Variants in CORO2B observed in about 807,000 individuals in gnomAD.
CORO2B encodes the protein coronin-2B.
CORO2B carries 26 observed loss-of-function variants against 58.8 expected under a neutral mutation model. The ratio of observed to expected loss-of-function variants is 0.44; its 90% CI spans 0.32 to 0.61. The LOEUF is 0.61. Among genes scored for constraint, CORO2B ranks in the 20% least tolerant of loss-of-function variants. CORO2B has a pLI of 0.04. For missense variants in CORO2B, 460 were observed against 645.1 expected, an observed-to-expected ratio of 0.71 and a Z score of 3.11; for synonymous variants, 242 against 253.8, an observed-to-expected ratio of 0.95 and a Z score of 0.44.
At chr15:68,689,621 A>G (rs1892305527) in intron 2 of CORO2B, among the ~76,000 whole-genome samples, 1 of 152,240 alleles carries the variant, frequency 6.6e-6, no homozygotes, top group Non-Finnish European at 1.5e-5. Context: ...GTTAGGAGCC[A>G]GGCTTCAGTG....
the CORO2B span, among the ~76,000 whole-genome samples, chr15:68,533,881 A>T: frequency 6.6e-6 from 1 of 152,132 alleles, no homozygotes; most frequent in Non-Finnish European, 1.5e-5. Flanking sequence ...TTCCCATCAC[A>T]GCCCTCACAA....
chr15:68,725,318 G>C (rs1304233000), intron 11 of CORO2B, among the ~76,000 whole-genome samples: 1 of 152,076 alleles, frequency 6.6e-6, no homozygotes, highest in African/African-American at 2.4e-5. Flanking sequence ...GCAGTGAGCC[G>C]AAATCATGCC....
rs1892924843 is a variant in CORO2B at position 68,711,762 on chromosome 15, G to A, written c.648+56G>A. On this transcript the variant is annotated intron_variant, in intron 5 of 11. Transcript: ENST00000261861. ...GGAAGGTATTGAGGGCTGGGGCTCA[G>A]CTTTCAGCAGGCCTGGAAGAAAAAG... The A allele has an allele frequency of 1.9e-6, 3 of 1,597,938 alleles. No individual in the cohort carries two copies. In the Admixed American group the frequency reaches 5.3e-5, roughly 28 times the overall value.
At chr15:68,537,927 T>C in the CORO2B span, among the ~76,000 whole-genome samples, 820 of 152,310 alleles carry the variant, frequency 5.4e-3, 17 homozygotes, top group East Asian at 0.073. Context: ...TGGTTGGAGC[T>C]TAGTAAGTTC....
intron 2 of CORO2B, among the ~76,000 whole-genome samples, chr15:68,658,947 C>G (rs1046352963): frequency 6.6e-6 from 1 of 152,258 alleles, no homozygotes; most frequent in Non-Finnish European, 1.5e-5. Context: ...GCCTTTGCCC[C>G]GGCTGTTTCT....
chr15:68,624,633 GATT>G (rs1365782301), intron 1 of CORO2B, among the ~76,000 whole-genome samples: 1 of 151,606 alleles, frequency 6.6e-6, no homozygotes, highest in Non-Finnish European at 1.5e-5. Context: ...CATGCCCAGA[GATT>G]ATAATTCACT....
chr15:68,520,773 C>T, the CORO2B span, among the ~76,000 whole-genome samples: 3 of 152,206 alleles, frequency 2.0e-5, no homozygotes, highest in Admixed American at 2.0e-4. Context: ...TGGCCGGGTG[C>T]AGTAGCTCAT....
intron 2 of CORO2B, among the ~76,000 whole-genome samples, chr15:68,664,596 A>G (rs558366101): frequency 6.6e-6 from 1 of 152,248 alleles, no homozygotes; most frequent in Admixed American, 6.5e-5. Flanking sequence ...GCAGTGAGCC[A>G]AGATTGTGCC....
chr15:68,699,747 G>A (rs1438001292), intron 3 of CORO2B, among the ~76,000 whole-genome samples: 1 of 152,162 alleles, frequency 6.6e-6, no homozygotes, highest in African/African-American at 2.4e-5. Context: ...GGACCCTAAG[G>A]GAGGTGCCTT....
At chr15:68,716,507 T>C (rs1302663724) in intron 8 of CORO2B, among the ~76,000 whole-genome samples, 5 of 152,176 alleles carry the variant, frequency 3.3e-5, no homozygotes, top group Admixed American at 2.6e-4. Context: ...AACATGGCCT[T>C]ACTCTCATGG....
chr15:68,654,097 G>A (rs531439821), intron 2 of CORO2B, among the ~76,000 whole-genome samples: 84 of 152,336 alleles, frequency 5.5e-4, no homozygotes, highest in African/African-American at 1.7e-3. Flanking sequence ...GAGAAAAGTC[G>A]CAACTTTATT....
intron 7 of CORO2B, 29 bp downstream of exon 7, chr15:68,714,692 C>A: frequency 6.4e-7 from 1 of 1,564,790 alleles, no homozygotes; most frequent in Non-Finnish European, 8.8e-7. Flanking sequence ...GGGCCCGGGG[C>A]AGCCTGTGGG....
the CORO2B span, among the ~76,000 whole-genome samples, chr15:68,537,425 C>T: frequency 1.3e-5 from 2 of 152,180 alleles, no homozygotes; most frequent in African/African-American, 4.8e-5. Flanking sequence ...CAAACTACAG[C>T]CCATGGCTGT....
intron 2 of CORO2B, among the ~76,000 whole-genome samples, chr15:68,673,094 G>A (rs1902457347): frequency 6.6e-6 from 1 of 152,144 alleles, no homozygotes; most frequent in Non-Finnish European, 1.5e-5. Flanking sequence ...TGTGAGTGCT[G>A]GAAACCTAAG....
chr15:68,691,096 A>C (rs1436805313), intron 2 of CORO2B, among the ~76,000 whole-genome samples: 1 of 149,514 alleles, frequency 6.7e-6, no homozygotes, highest in African/African-American at 2.5e-5. Context: ...TTGGGAGGCC[A>C]AGGCGGGTGG....
chr15:68,601,351 C>T (rs1364407657), intron 1 of CORO2B, among the ~76,000 whole-genome samples: 1 of 152,222 alleles, frequency 6.6e-6, no homozygotes, highest in South Asian at 2.1e-4. Context: ...TTCCACCCGT[C>T]CCTGGGCCTC....
chr15:68,556,303 T>C, the CORO2B span, among the ~76,000 whole-genome samples: 19 of 151,862 alleles, frequency 1.3e-4, 1 homozygote, highest in South Asian at 2.9e-3. Flanking sequence ...AGGGAGTGAG[T>C]GTGGCAGGGC....
chr15:68,628,546 C>T (rs1900743685), intron 1 of CORO2B, among the ~76,000 whole-genome samples: 1 of 152,186 alleles, frequency 6.6e-6, no homozygotes. Context: ...GGAATAGAAA[C>T]AGGTGAGTCA....
At chr15:68,649,933 T>C (rs1199148258) in intron 2 of CORO2B, among the ~76,000 whole-genome samples, 2 of 152,136 alleles carry the variant, frequency 1.3e-5, no homozygotes, top group African/African-American at 4.8e-5. Flanking sequence ...ATTGGGAAAA[T>C]ACTTTTGACC....
Sources: allele counts gnomAD v4.1 joint callset (sites outside exome capture counted in the v4.1 genomes callset), GRCh38; gene constraint gnomAD v4.1.1; transcripts MANE v1.5; gene names NCBI Gene and HGNC (gene_info 2026-07-23, HGNC 2026-07-21).